ERC1: variants seen among roughly 807,000 people sequenced by gnomAD.
ERC1 encodes RAB6 interacting protein 2.
In ERC1, 56 loss-of-function variants were observed where a neutral mutation model predicts 132.0. That is an observed-to-expected ratio of 0.42 (90% CI 0.34 to 0.53). ERC1 has a LOEUF of 0.53. Ranked by LOEUF, ERC1 falls within the 20% of genes least tolerant of loss-of-function variation. ERC1 has a pLI of 0.03. For synonymous variants in ERC1, 478 were observed against 476.1 expected, an observed-to-expected ratio of 1.00 and a Z score of -0.05; for missense variants, 1,202 against 1,349.9, an observed-to-expected ratio of 0.89 and a Z score of 1.72.
chr12:1,314,865 C>T (rs193150857), intron 15 of ERC1, among the ~76,000 whole-genome samples: 1 of 151,882 alleles, frequency 6.6e-6, no homozygotes, highest in East Asian at 1.9e-4. Context: ...TCTATTTTAC[C>T]TCTGGGCTCT....
intron 9 of ERC1, 27 bp downstream of exon 9, chr12:1,180,704 A>G (rs928374047): frequency 1.9e-6 from 3 of 1,612,860 alleles, no homozygotes; most frequent in Admixed American, 3.3e-5. Context: ...AACTCTCCAC[A>G]CACGTTTTCT....
At chr12:1,244,652 G>A (rs75520538) in intron 13 of ERC1, 5,259 of 415,596 alleles carry the variant, frequency 0.013, 243 homozygotes, top group African/African-American at 0.098. Flanking sequence ...CACCCGAGTA[G>A]CTGGGATTCC....
rs1436935180 is a variant in ERC1, at chr12:1,491,250, G to A, written c.*1020G>A. Reference sequence around the variant, plus strand: ...GTGTCCTGAGCTCCTGCAGCCCAGTGGCTGCTGAAGTTGTGATCCCTCACT... The same window carrying A: ...GTGTCCTGAGCTCCTGCAGCCCAGTAGCTGCTGAAGTTGTGATCCCTCACT... On this transcript the variant is annotated 3_prime_UTR_variant, in exon 19 of 19. Coordinates refer to ENST00000360905, the MANE Select transcript of ERC1 (RefSeq NM_178040.4). The A allele has an allele frequency of 4.3e-6, 1 of 231,182 alleles. No homozygotes were observed. The highest frequency in any genetic ancestry group is 6.1e-5 in the East Asian group (1 of 16,376). 14.3% of individuals were successfully genotyped at this position (231,182 alleles called of 1,614,324 possible). A position where few individuals can be genotyped will look rare whatever the true frequency, so the allele number is the denominator to read the frequency against.
intron 12 of ERC1, among the ~76,000 whole-genome samples, chr12:1,218,443 A>C (rs1056209510): frequency 2.5e-4 from 38 of 152,224 alleles, no homozygotes; most frequent in African/African-American, 8.7e-4. Context: ...TCTAGTTGCC[A>C]CCCTGTTTCT....
intron 13 of ERC1, among the ~76,000 whole-genome samples, chr12:1,239,943 A>G (rs1594459069): frequency 1.3e-5 from 2 of 152,308 alleles, no homozygotes; most frequent in South Asian, 4.1e-4. Context: ...GCATTCTAAT[A>G]AGTTCCTGGG....
Position 1,148,254 on chromosome 12 carries a change from A to G in ERC1, c.1737+6467A>G, listed in dbSNP as rs144860576. Among the ~76,000 whole-genome samples, 274 of 152,324 alleles carry G rather than the reference A, an allele frequency of 1.8e-3. 2 individuals are homozygous for G. Among genetic ancestry groups the G allele is most frequent in the African/African-American group, 6.4e-3 (265 of 41,584 alleles). ...CCTGAGACTAAGTAATTTATGAAGA[A>G]AAGAGGTTTAATTGACTCACATTTC... is the stretch of plus-strand genomic sequence containing the variant. On this transcript the variant is annotated intron_variant, in intron 8 of 18. Coordinates refer to ENST00000360905, the MANE Select transcript of ERC1 (RefSeq NM_178040.4).
chr12:1,306,304 G>C (rs562395388), intron 15 of ERC1, among the ~76,000 whole-genome samples: 1 of 152,244 alleles, frequency 6.6e-6, no homozygotes, highest in African/African-American at 2.4e-5. Flanking sequence ...ACTTACTGCT[G>C]GGAAGTAGAC....
chr12:1,402,852 A>G (rs957146308), intron 16 of ERC1, among the ~76,000 whole-genome samples: 4 of 152,216 alleles, frequency 2.6e-5, no homozygotes, highest in African/African-American at 7.2e-5. Flanking sequence ...TCAGACTTCT[A>G]TTACTAAAGA....
chr12:1,430,243 A>C (rs889042433), intron 17 of ERC1: 1 of 152,252 alleles, frequency 6.6e-6, no homozygotes, highest in African/African-American at 2.4e-5. Context: ...TTTATGACCT[A>C]GAATCATAAG....
rs565057244 is a variant in ERC1, at chr12:1,260,521, G to A, written c.2488-2513G>A. On this transcript the variant is annotated intron_variant, in intron 13 of 18. Coordinates refer to ENST00000360905, the MANE Select transcript of ERC1 (RefSeq NM_178040.4). ...ATACTCTGGTATTTGTAGGACTCAAGGGCTTTCCTGTTTATTTCTTACAGT... is the reference window on the plus strand; with the variant it reads ...ATACTCTGGTATTTGTAGGACTCAAAGGCTTTCCTGTTTATTTCTTACAGT... Among the ~76,000 whole-genome samples the A allele has an allele frequency of 6.0e-4, 92 of 152,290 alleles. 1 individual carries two copies. Among genetic ancestry groups the A allele is most frequent in the African/African-American group, 2.1e-3 (88 of 41,580 alleles).
At chr12:1,266,566 A>G (rs552200342) in intron 14 of ERC1, among the ~76,000 whole-genome samples, 1 of 151,272 alleles carries the variant, frequency 6.6e-6, no homozygotes, top group South Asian at 2.1e-4. Context: ...CACCACGCCC[A>G]GCTAATTTTT....
chr12:1,289,243 G>A (rs1398898015), intron 14 of ERC1, among the ~76,000 whole-genome samples: 2 of 148,730 alleles, frequency 1.3e-5, no homozygotes, highest in South Asian at 2.1e-4. Flanking sequence ...ATATATGCCT[G>A]TATAGTTATA....
rs1199957092 is a variant in ERC1, at chr12:1,418,637, TTCTTTCTC to T, written c.3024+10394_3024+10401del. On this transcript the variant is annotated intron_variant, in intron 17 of 18. Transcript: ENST00000360905. Reference sequence around the variant, plus strand: ...TTTCTTTCTTTCTTTCTTTCTTTCTTTCTTTCTCTCTCTCTCTCTCTCTCTTTCTTTTC... The same window carrying T: ...TTTCTTTCTTTCTTTCTTTCTTTCTTTCTCTCTCTCTCTCTCTTTCTTTTC... Among the ~76,000 whole-genome samples the T allele has an allele frequency of 2.2e-3, 149 of 67,246 alleles. 1 individual carries two copies. Among genetic ancestry groups the T allele is most frequent in the South Asian group, 0.012 (25 of 2,014 alleles). 44.1% of individuals were successfully genotyped at this position (67,246 alleles called of 152,430 possible).
chr12:1,188,534 T>A (rs1433917522), intron 11 of ERC1, among the ~76,000 whole-genome samples: 1 of 152,206 alleles, frequency 6.6e-6, no homozygotes, highest in Non-Finnish European at 1.5e-5. Context: ...CTTCCAAACT[T>A]ATATGATTTT....
At chr12:1,467,248 A>G (rs1005647146) in intron 18 of ERC1, among the ~76,000 whole-genome samples, 2 of 152,158 alleles carry the variant, frequency 1.3e-5, no homozygotes, top group African/African-American at 4.8e-5. Flanking sequence ...GCGTGCCTGA[A>G]ATTTCAGTGG....
intron 1 of ERC1, among the ~76,000 whole-genome samples, chr12:1,022,719 G>T (rs1400062756): frequency 6.6e-6 from 1 of 152,132 alleles, no homozygotes; most frequent in South Asian, 2.1e-4. Context: ...AGGCTTGAGT[G>T]CAGTGGCATA....
chr12:1,124,992 TTTTC>T (rs1947995359), intron 7 of ERC1, among the ~76,000 whole-genome samples: 1 of 151,908 alleles, frequency 6.6e-6, no homozygotes, highest in South Asian at 2.1e-4. Context: ...ATATTTGATA[TTTTC>T]TTTCTTTTTT....
chr12:1,026,748 T>G (rs1238543091), intron 1 of ERC1, among the ~76,000 whole-genome samples: 1 of 152,254 alleles, frequency 6.6e-6, no homozygotes, highest in Non-Finnish European at 1.5e-5. Flanking sequence ...ATTTTTGCAG[T>G]ACAAATGAAG....
Position 1,490,891 on chromosome 12 carries a change from C to T in ERC1, c.*661C>T, listed in dbSNP as rs117418530. The T allele has an allele frequency of 0.022, 5,170 of 232,808 alleles. 118 individuals are homozygous for T. The highest frequency in any genetic ancestry group is 0.098 in the Middle Eastern group (77 of 786). The allele number at this position is 232,808 out of a possible 1,614,324, so 14.4% of individuals were successfully genotyped here. A position where few individuals can be genotyped will look rare whatever the true frequency, so the allele number is the denominator to read the frequency against. On this transcript the variant is annotated 3_prime_UTR_variant, in exon 19 of 19. Coordinates refer to ENST00000360905, the MANE Select transcript of ERC1 (RefSeq NM_178040.4). ...TCTTCATCCAGCCCTGCCTGTCTGT[C>T]GCAGCCTTCCTCACTCTGTTCCTCG...
Sources: allele counts gnomAD v4.1 joint callset (sites outside exome capture counted in the v4.1 genomes callset), GRCh38; gene constraint gnomAD v4.1.1; transcripts MANE v1.5; gene names NCBI Gene and HGNC (gene_info 2026-07-23, HGNC 2026-07-21).